Variants in DNAH7 observed in about 807,000 individuals in gnomAD.
The protein encoded by DNAH7 is axonemal beta dynein heavy chain 7.
Under a neutral mutation model 444.6 loss-of-function variants are expected in DNAH7, and 397 were observed. The ratio of observed to expected loss-of-function variants is 0.89; its 90% CI spans 0.82 to 0.97. The LOEUF (loss-of-function observed/expected upper bound fraction) is 0.97, where lower values mean the gene tolerates loss of function less well. Among genes scored for constraint, DNAH7 ranks in the 50% least tolerant of loss-of-function variants. The pLI is 0.00. For synonymous variants in DNAH7, 1,636 were observed against 1,624.4 expected (o/e 1.01, Z -0.17); for missense variants, 4,902 against 4,800.8 (o/e 1.02, Z -0.62).
intron 20 of DNAH7, among the ~76,000 whole-genome samples, chr2:195,935,555 C>T (rs1165561853): frequency 6.6e-6 from 1 of 152,086 alleles, no homozygotes; most frequent in African/African-American, 2.4e-5. Flanking sequence ...GGGAAAAAAA[C>T]AGTCAAAAAA....
chr2:196,003,706 T>C (rs965288371), intron 10 of DNAH7, among the ~76,000 whole-genome samples: 3 of 152,176 alleles, frequency 2.0e-5, no homozygotes, highest in Non-Finnish European at 4.4e-5. Context: ...ATGACCTGCA[T>C]CAAGCATTCT....
At chr2:195,970,400 T>G (rs1311086108) in intron 16 of DNAH7, among the ~76,000 whole-genome samples, 1 of 152,180 alleles carries the variant, frequency 6.6e-6, no homozygotes. Context: ...GCTGAAGAAT[T>G]TATGCAAACA....
Position 195,864,301 on chromosome 2 carries a change from C to T in DNAH7, c.7354G>A (p.Gly2452Ser). The T allele has an allele frequency of 6.2e-7, 1 of 1,614,126 alleles. No homozygotes were observed. The highest frequency in any genetic ancestry group is 8.5e-7 in the Non-Finnish European group (1 of 1,180,018). ...ATGTTGAAAAGGGCTATGGGGCTGC[C>T]ATCTGTTTGCTTGGTTTTATCCCGC... The part of the protein sequence containing the change: ...RQRDKTKQTD[G>S]SPIALFNMFI... The change falls in exon 41 of 65, where the codon GGC becomes AGC. Residue 2452 changes from glycine to serine, a missense_variant. Coordinates refer to ENST00000312428, the MANE Select transcript of DNAH7 (RefSeq NM_018897.3).
At chr2:195,882,100 T>C (rs1372725284) in intron 35 of DNAH7, 108 bp from the exon 36 acceptor site, 1 of 835,234 alleles carries the variant, frequency 1.2e-6, no homozygotes. Context: ...CTGATATGTA[T>C]ACATTTGTTT....
At chr2:196,059,575 C>T (rs947318880) in intron 1 of DNAH7, among the ~76,000 whole-genome samples, 17 of 152,180 alleles carry the variant, frequency 1.1e-4, no homozygotes, top group Non-Finnish European at 2.4e-4. Context: ...TTTCTCATAG[C>T]TCCCATGGTG....
At chr2:195,860,957 G>A (rs188771237) in intron 42 of DNAH7, among the ~76,000 whole-genome samples, 19 of 151,686 alleles carry the variant, frequency 1.3e-4, no homozygotes, top group African/African-American at 3.1e-4. Flanking sequence ...ATATGTATAC[G>A]TTTAAAATAC....
At chr2:195,885,030 C>T (rs1224225437) in intron 34 of DNAH7, among the ~76,000 whole-genome samples, 1 of 152,104 alleles carries the variant, frequency 6.6e-6, no homozygotes, top group African/African-American at 2.4e-5. Context: ...ACAAAGTATA[C>T]ATTCTGGCCA....
intron 36 of DNAH7, among the ~76,000 whole-genome samples, chr2:195,879,122 G>A (rs1254244763): frequency 6.6e-6 from 1 of 152,004 alleles, no homozygotes; most frequent in Non-Finnish European, 1.5e-5. Flanking sequence ...CATATAAAAA[G>A]CTAAACAGAA....
At chr2:195,826,882 T>C (rs1230732065) in intron 48 of DNAH7, among the ~76,000 whole-genome samples, 1 of 152,116 alleles carries the variant, frequency 6.6e-6, no homozygotes, top group Admixed American at 6.5e-5. Flanking sequence ...TTTTGGCAAA[T>C]GGCTTTGATC....
chr2:195,797,716 A>G (rs1455666353), intron 55 of DNAH7, among the ~76,000 whole-genome samples: 1 of 152,172 alleles, frequency 6.6e-6, no homozygotes, highest in Non-Finnish European at 1.5e-5. Flanking sequence ...GCACCACCCA[A>G]ATAAATTCTT....
intron 47 of DNAH7, among the ~76,000 whole-genome samples, chr2:195,839,713 T>C (rs1364005880): frequency 6.6e-6 from 1 of 151,654 alleles, no homozygotes; most frequent in Non-Finnish European, 1.5e-5. Flanking sequence ...ATTAAATAAA[T>C]ATTAAGGAAA....
chr2:195,759,180 G>T, intron 61 of DNAH7, among the ~76,000 whole-genome samples: 1 of 152,162 alleles, frequency 6.6e-6, no homozygotes, highest in African/African-American at 2.4e-5. Context: ...AGAGGACTTT[G>T]TCTTGCAACT....
intron 1 of DNAH7, among the ~76,000 whole-genome samples, chr2:196,064,440 G>A (rs528340172): frequency 9.9e-5 from 15 of 152,032 alleles, no homozygotes; most frequent in African/African-American, 2.7e-4. Context: ...TCTGTTTCCT[G>A]TACCAACATT....
chr2:196,019,282 G>T lies in DNAH7; in HGVS notation c.757C>A (p.Pro253Thr). 1 of 1,483,858 alleles carries T rather than the reference G, an allele frequency of 6.7e-7. No individual in the cohort carries two copies. Among genetic ancestry groups the T allele is most frequent in the East Asian group, 2.4e-5 (1 of 42,502 alleles). 91.9% of individuals were successfully genotyped at this position (1,483,858 alleles called of 1,614,324 possible). Residue 253 changes from proline (P) to threonine (T), a missense_variant, in exon 9 of 65, where the codon CCA becomes ACA. Coordinates refer to ENST00000312428, the MANE Select transcript of DNAH7 (RefSeq NM_018897.3). Reference sequence around the variant, plus strand: ...AAAAAAGATTTCCTCCAAGGTTTTGGCAGAATTTCCATTCTGAAAACAAAG... The same window carrying T: ...AAAAAAGATTTCCTCCAAGGTTTTGTCAGAATTTCCATTCTGAAAACAAAG... ...PAHRAEMEIL[P>T]KPWRKSFLAA...
intron 1 of DNAH7, chr2:196,068,468 C>T (rs1179946230): frequency 1.0e-5 from 6 of 578,930 alleles, no homozygotes; most frequent in South Asian, 5.3e-5. Flanking sequence ...CGCCGCTAGG[C>T]GGCTAGGTTT....
At chr2:196,044,504 G>A (rs1416413430) in intron 5 of DNAH7, among the ~76,000 whole-genome samples, 1 of 152,084 alleles carries the variant, frequency 6.6e-6, no homozygotes, top group African/African-American at 2.4e-5. Context: ...ACACTGTTTA[G>A]ATGATGAGTG....
At chr2:195,789,073 T>C (rs1410560892) in intron 57 of DNAH7, among the ~76,000 whole-genome samples, 1 of 152,140 alleles carries the variant, frequency 6.6e-6, no homozygotes, top group Non-Finnish European at 1.5e-5. Flanking sequence ...AAATGGCTGA[T>C]TCCAGGGCTG....
intron 5 of DNAH7, among the ~76,000 whole-genome samples, chr2:196,031,538 A>C (rs531205220): frequency 6.6e-6 from 1 of 152,158 alleles, no homozygotes; most frequent in Non-Finnish European, 1.5e-5. Flanking sequence ...ATTTTTATGC[A>C]CTGCATCTCT....
chr2:195,931,539 G>A (rs1430308267), intron 21 of DNAH7, among the ~76,000 whole-genome samples: 1 of 151,356 alleles, frequency 6.6e-6, no homozygotes, highest in Non-Finnish European at 1.5e-5. Context: ...TTTCTTCTAG[G>A]GTTTTTATGG....
Sources: allele counts gnomAD v4.1 joint callset (sites outside exome capture counted in the v4.1 genomes callset), GRCh38; gene constraint gnomAD v4.1.1; transcripts MANE v1.5; gene names NCBI Gene and HGNC (gene_info 2026-07-23, HGNC 2026-07-21).